AFAP1: variants seen among roughly 807,000 people sequenced by gnomAD.
AFAP1 encodes the protein actin filament-associated protein 1.
AFAP1 carries 75 observed loss-of-function variants against 93.9 expected under a neutral mutation model. The ratio of observed to expected loss-of-function variants is 0.80; its 90% CI spans 0.66 to 0.97. The LOEUF is 0.97. Among genes scored for constraint, AFAP1 ranks in the 50% least tolerant of loss-of-function variants. AFAP1 has a pLI of 0.00. For missense variants in AFAP1, 1,201 were observed against 1,050.8 expected (o/e 1.14, Z -1.98); for synonymous variants, 517 against 430.7 (o/e 1.20, Z -2.48).
intron 3 of AFAP1, among the ~76,000 whole-genome samples, chr4:7,861,629 CT>C (rs1317659217): frequency 1.3e-5 from 2 of 152,204 alleles, no homozygotes; most frequent in African/African-American, 4.8e-5. Context: ...TCTCCCCTCC[CT>C]TTTCCATCAG....
intron 3 of AFAP1, among the ~76,000 whole-genome samples, chr4:7,866,427 C>T (rs984021222): frequency 1.3e-5 from 2 of 152,124 alleles, no homozygotes; most frequent in South Asian, 2.1e-4. Context: ...AACTCCTGAG[C>T]TCAGGCGATC....
intron 1 of AFAP1, among the ~76,000 whole-genome samples, chr4:7,930,434 T>C (rs1196423874): frequency 6.6e-6 from 1 of 151,866 alleles, no homozygotes; most frequent in East Asian, 1.9e-4. Context: ...CCATCTCGTC[T>C]CCCCTCCCCG....
At chr4:7,827,893 G>A (rs931081520) in intron 6 of AFAP1, among the ~76,000 whole-genome samples, 8 of 152,138 alleles carry the variant, frequency 5.3e-5, no homozygotes, top group African/African-American at 1.2e-4. Context: ...TCAAGGCTCC[G>A]AGAGTTGACT....
rs114202617 is a variant in AFAP1, at chr4:7,907,147, T to C, written c.-3+32509A>G. Among the ~76,000 whole-genome samples the C allele has an allele frequency of 6.8e-3, 1,037 of 152,344 alleles. 8 individuals carry two copies. Among genetic ancestry groups the C allele is most frequent in the African/African-American group, 0.022 (926 of 41,578 alleles). On this transcript the variant is annotated intron_variant, in intron 1 of 17. Coordinates refer to ENST00000420658, the MANE Select transcript of AFAP1 (RefSeq NM_001134647.2). ...CGACTTAAAAGACATTCAATACAAC[T>C]TGTAACAGTGAGTTCCCCTCCTCTT...
At chr4:7,793,877 T>C (rs1332114363) in intron 10 of AFAP1, 51 bp from the exon 11 acceptor site, 1 of 1,447,922 alleles carries the variant, frequency 6.9e-7, no homozygotes, top group Non-Finnish European at 9.2e-7. Context: ...GATTTTTACA[T>C]TTTCATAAAT....
At chr4:7,929,245 C>T (rs1408745177) in intron 1 of AFAP1, among the ~76,000 whole-genome samples, 5 of 152,172 alleles carry the variant, frequency 3.3e-5, no homozygotes, top group Non-Finnish European at 7.3e-5. Flanking sequence ...GATCACTGCC[C>T]TGTGCCACAG....
chr4:7,858,623 G>A (rs1715339187), intron 3 of AFAP1, among the ~76,000 whole-genome samples: 1 of 152,134 alleles, frequency 6.6e-6, no homozygotes, highest in Non-Finnish European at 1.5e-5. Context: ...GTTTCCAATA[G>A]GGGCCACGGG....
intron 3 of AFAP1, among the ~76,000 whole-genome samples, chr4:7,864,276 T>C (rs1185705741): frequency 1.3e-5 from 2 of 152,228 alleles, no homozygotes; most frequent in Non-Finnish European, 2.9e-5. Context: ...GCTCCTAGTA[T>C]AGCTGGCTGT....
intron 1 of AFAP1, among the ~76,000 whole-genome samples, chr4:7,906,325 G>C (rs917302326): frequency 2.0e-5 from 3 of 152,190 alleles, no homozygotes; most frequent in Non-Finnish European, 4.4e-5. Flanking sequence ...GAACTGCTGA[G>C]GGAATAAAAT....
At chr4:7,829,244 C>A (rs932261843) in intron 6 of AFAP1, among the ~76,000 whole-genome samples, 3 of 152,198 alleles carry the variant, frequency 2.0e-5, no homozygotes, top group African/African-American at 7.2e-5. Context: ...TACACTATCT[C>A]TCCACACAAT....
At chr4:7,884,574 C>G (rs13145572) in intron 1 of AFAP1, among the ~76,000 whole-genome samples, 16,618 of 152,134 alleles carry the variant, frequency 0.11, 1,128 homozygotes, top group Non-Finnish European at 0.16. Flanking sequence ...CAAATACACA[C>G]AGAAATATAA....
intron 1 of AFAP1, among the ~76,000 whole-genome samples, chr4:7,934,300 A>G (rs1424291455): frequency 6.6e-6 from 1 of 151,944 alleles, no homozygotes; most frequent in African/African-American, 2.4e-5. Context: ...CCAACCCAGC[A>G]CTCACTCTGC....
intron 14 of AFAP1, 101 bp downstream of exon 14, chr4:7,778,661 C>T: frequency 8.8e-7 from 1 of 1,139,086 alleles, no homozygotes. Context: ...ATCTCTCCAG[C>T]TGACCCCAAG....
In AFAP1 at chr4:7,772,956, C is replaced by T. The variant is rs996130211; in HGVS notation, c.2117G>A (p.Cys706Tyr). 6.2e-7 allele frequency: 1 copy of T among 1,613,380 alleles called. No individual in the cohort carries two copies. The highest frequency in any genetic ancestry group is 8.5e-7 in the Non-Finnish European group (1 of 1,180,014). The change falls in exon 16 of 18, where the codon TGC becomes TAC. Residue 706 changes from cysteine to tyrosine, a missense_variant. Physicochemically the swap from Cys to Tyr is radical, Grantham distance 194. Coordinates refer to ENST00000420658, the MANE Select transcript of AFAP1 (RefSeq NM_001134647.2). ...EEKLKQLEEE[C>Y]RQKEAERVSL... ...GACACGCTCCGCCTCCTTCTGCCGGCACTCCTCCTCCAGCTGCTTCAGCTT... is the reference window on the plus strand; with the variant it reads ...GACACGCTCCGCCTCCTTCTGCCGGTACTCCTCCTCCAGCTGCTTCAGCTT...
At chr4:7,911,687 A>G (rs1348193852) in intron 1 of AFAP1, among the ~76,000 whole-genome samples, 1 of 152,190 alleles carries the variant, frequency 6.6e-6, no homozygotes, top group East Asian at 1.9e-4. Context: ...CCAGGATATA[A>G]GGGCCTCTGA....
At chr4:7,874,382 G>C (rs867018644) in intron 1 of AFAP1, among the ~76,000 whole-genome samples, 1 of 31,698 alleles carries the variant, frequency 3.2e-5, no homozygotes, top group African/African-American at 1.8e-4. Context: ...TTTTTTTTTT[G>C]AGACAGAGTC....
rs967674616 is a variant in AFAP1, at chr4:7,778,944, T to C, written c.1783-68A>G. On this transcript the variant is annotated intron_variant, in intron 13 of 17. Coordinates refer to ENST00000420658, the MANE Select transcript of AFAP1 (RefSeq NM_001134647.2). Reference sequence around the variant, plus strand: ...GTCAAACAAATCTTGGTCTTTTTTTTTTCTGGAGTCATTTCTTTCAGTCTC... The same window carrying C: ...GTCAAACAAATCTTGGTCTTTTTTTCTTCTGGAGTCATTTCTTTCAGTCTC... 9.0e-6 allele frequency: 11 copies of C among 1,217,008 alleles called. No homozygotes were observed. The Admixed American group carries it at 1.3e-4, about 15-fold the overall frequency. The allele number at this position is 1,217,008 out of a possible 1,614,324, so 75.4% of individuals were successfully genotyped here. A position where few individuals can be genotyped will look rare whatever the true frequency, so the allele number is the denominator to read the frequency against.
intron 15 of AFAP1, chr4:7,774,179 A>ATT (rs1715831258): frequency 6.5e-6 from 1 of 152,764 alleles, no homozygotes; most frequent in Non-Finnish European, 1.5e-5. Flanking sequence ...CTGGCTGCAA[A>ATT]CTCAGTTTCT....
At chr4:7,819,861 C>A (rs140443656) in intron 6 of AFAP1, among the ~76,000 whole-genome samples, 28 of 152,290 alleles carry the variant, frequency 1.8e-4, no homozygotes, top group African/African-American at 6.5e-4. Flanking sequence ...TAGCCTTGGA[C>A]AAATCAATTA....
Sources: gnomAD v4.1 joint callset for allele counts (sites outside exome capture counted in the v4.1 genomes callset) on GRCh38, gnomAD v4.1.1 for gene constraint, MANE v1.5 for transcripts, NCBI Gene and HGNC (gene_info 2026-07-23, HGNC 2026-07-21) for gene names.